The following CSMD1 variants were observed in gnomAD, a reference collection of about 807,000 sequenced individuals.
CSMD1 encodes the protein CUB and sushi domain-containing protein 1.
A neutral mutation model predicts 417.5 loss-of-function variants in CSMD1; 213 were observed. The observed-to-expected ratio is 0.51, with a 90% CI of 0.46 to 0.57. The LOEUF is 0.57. Among genes scored for constraint, CSMD1 ranks in the 20% least tolerant of loss-of-function variants. The pLI is 0.00. For missense variants in CSMD1, 6,923 were observed against 4,529.7 expected (o/e 1.53, Z -15.17); for synonymous variants, 2,862 against 1,736.8 (o/e 1.65, Z -16.11).
intron 3 of CSMD1, among the ~76,000 whole-genome samples, chr8:4,341,085 T>G (rs375726527): frequency 9.9e-5 from 15 of 152,192 alleles, no homozygotes; most frequent in African/African-American, 3.6e-4. Context: ...GAAAGAATAG[T>G]GAGAGAATAG....
intron 3 of CSMD1, among the ~76,000 whole-genome samples, chr8:4,211,931 G>C (rs956655995): frequency 6.6e-6 from 1 of 152,042 alleles, no homozygotes; most frequent in African/African-American, 2.4e-5. Context: ...AGGAAGAAAG[G>C]GTAATAAAGT....
chr8:4,006,672 T>G (rs1441461588), intron 4 of CSMD1, among the ~76,000 whole-genome samples: 1 of 152,240 alleles, frequency 6.6e-6, no homozygotes, highest in Non-Finnish European at 1.5e-5. Context: ...CCTTTTCCTT[T>G]TAATCTGCAC....
intron 2 of CSMD1, among the ~76,000 whole-genome samples, chr8:4,537,723 C>T (rs941547341): frequency 5.9e-5 from 9 of 152,214 alleles, no homozygotes; most frequent in African/African-American, 9.6e-5. Context: ...CTTCCCCCAG[C>T]GAAGCCACGG....
chr8:4,708,709 G>T (rs926598218), intron 1 of CSMD1, among the ~76,000 whole-genome samples: 1 of 151,980 alleles, frequency 6.6e-6, no homozygotes, highest in Non-Finnish European at 1.5e-5. Flanking sequence ...CCCAACTGTG[G>T]CGGTGGAATT....
intron 51 of CSMD1, among the ~76,000 whole-genome samples, chr8:3,026,031 C>T (rs535951184): frequency 6.4e-4 from 98 of 152,272 alleles, no homozygotes; most frequent in African/African-American, 2.1e-3. Context: ...CTCAAATCCT[C>T]TCCCCCTGAG....
At chr8:4,845,973 T>C (rs1801117135) in intron 1 of CSMD1, among the ~76,000 whole-genome samples, 1 of 152,196 alleles carries the variant, frequency 6.6e-6, no homozygotes, top group Admixed American at 6.5e-5. Flanking sequence ...GAATCGGCTA[T>C]AAATTTGCTG....
intron 1 of CSMD1, among the ~76,000 whole-genome samples, chr8:4,758,493 G>C (rs2117082896): frequency 6.6e-6 from 1 of 152,282 alleles, no homozygotes; most frequent in South Asian, 2.1e-4. Flanking sequence ...GATCCCTTTG[G>C]ACTGTGCTGG....
intron 1 of CSMD1, among the ~76,000 whole-genome samples, chr8:4,857,909 T>C (rs1415242881): frequency 1.3e-5 from 2 of 151,684 alleles, no homozygotes; most frequent in Non-Finnish European, 3.0e-5. Context: ...CCCTAACTCA[T>C]TTTATGAGGC....
intron 49 of CSMD1, among the ~76,000 whole-genome samples, chr8:3,054,428 G>T (rs1049086236): frequency 1.3e-5 from 2 of 152,042 alleles, no homozygotes; most frequent in African/African-American, 2.4e-5. Context: ...CATTAGCCTG[G>T]GCAACATGGT....
rs1268843886 is a variant in CSMD1, at chr8:3,052,444, A to T, written c.7660+18T>A. 2 of 1,549,940 alleles carry T rather than the reference A, an allele frequency of 1.3e-6. No homozygotes were observed. Among genetic ancestry groups the T allele is most frequent in the African/African-American group, 1.4e-5 (1 of 73,230 alleles). ...CACCTAAACCCACAAAGATGGGCAGATGCCCCTGAACACTTACGCTTACAC... is the reference window on the plus strand; with the variant it reads ...CACCTAAACCCACAAAGATGGGCAGTTGCCCCTGAACACTTACGCTTACAC... On this transcript the variant is annotated intron_variant, in intron 50 of 69. Transcript: ENST00000635120.
chr8:3,956,834 T>C (rs570408024), intron 5 of CSMD1, among the ~76,000 whole-genome samples: 1 of 152,080 alleles, frequency 6.6e-6, no homozygotes, highest in Non-Finnish European at 1.5e-5. Context: ...GAAGAGAGAA[T>C]GTTGGTGGCT....
chr8:4,750,851 T>C (rs940954407), intron 1 of CSMD1, among the ~76,000 whole-genome samples: 10 of 152,132 alleles, frequency 6.6e-5, no homozygotes, highest in East Asian at 1.9e-4. Flanking sequence ...TGATGAGATA[T>C]TGGGATTTAG....
rs1459082114 is a variant in CSMD1, at chr8:4,216,258, C to T, written c.416-184159G>A. Among the ~76,000 whole-genome samples the T allele has an allele frequency of 3.3e-5, 5 of 152,208 alleles. No homozygotes were observed. In the East Asian group the frequency reaches 5.8e-4, roughly 18 times the overall value. On this transcript the variant is annotated intron_variant, in intron 3 of 69. Coordinates refer to ENST00000635120, the MANE Select transcript of CSMD1 (RefSeq NM_033225.6). ...CCTTTTTTTCTGCCTGGAATCCTTT[C>T]ACTCTACGAGACCTGACCTTCTCCC...
intron 7 of CSMD1, among the ~76,000 whole-genome samples, chr8:3,617,029 A>AT (rs1802174662): frequency 6.6e-6 from 1 of 152,134 alleles, no homozygotes; most frequent in Non-Finnish European, 1.5e-5. Context: ...TATTTCTCTC[A>AT]TTTTTAAGAT....
At chr8:4,451,742 G>A (rs1279209726) in intron 2 of CSMD1, among the ~76,000 whole-genome samples, 2 of 151,842 alleles carry the variant, frequency 1.3e-5, no homozygotes, top group Admixed American at 1.3e-4. Flanking sequence ...CAACAACAAG[G>A]CATCGAATGA....
Position 4,343,582 on chromosome 8 carries a change from G to C in CSMD1, c.415+76371C>G, listed in dbSNP as rs1800606077. Among the ~76,000 whole-genome samples the C allele has an allele frequency of 1.3e-5, 2 of 152,088 alleles. 1 individual carries two copies. The highest frequency in any genetic ancestry group is 4.8e-5 in the African/African-American group (2 of 41,430). ...TATATATCAATAGAGCTGGAATAAA[G>C]TATATTTTTATCTAATAGAAACTAA... On this transcript the variant is annotated intron_variant, in intron 3 of 69. Transcript: ENST00000635120.
chr8:4,343,183 T>TTCAG (rs1452104577), intron 3 of CSMD1, among the ~76,000 whole-genome samples: 1 of 152,128 alleles, frequency 6.6e-6, no homozygotes, highest in East Asian at 1.9e-4. Context: ...CAAGGAGTGC[T>TTCAG]TCAGCTTGCT....
At chr8:3,128,289 T>C (rs56940797) in intron 41 of CSMD1, 4 of 152,482 alleles carry the variant, frequency 2.6e-5, no homozygotes, top group Non-Finnish European at 4.4e-5. Flanking sequence ...TTGATAAATA[T>C]CTTCATGCTA....
chr8:4,860,323 A>T (rs1237198800), intron 1 of CSMD1, among the ~76,000 whole-genome samples: 5 of 150,976 alleles, frequency 3.3e-5, no homozygotes, highest in Non-Finnish European at 7.4e-5. Context: ...ATGACATGTT[A>T]GTGGGTGCAG....
Sources: allele counts gnomAD v4.1 joint callset (sites outside exome capture counted in the v4.1 genomes callset), GRCh38; gene constraint gnomAD v4.1.1; transcripts MANE v1.5; gene names NCBI Gene and HGNC (gene_info 2026-07-23, HGNC 2026-07-21).